IFT22: variants seen among roughly 807,000 people sequenced by gnomAD.
IFT22 encodes intraflagellar transport 22, also known as intraflagellar transport protein 22 homolog.
A neutral mutation model predicts 21.0 loss-of-function variants in IFT22; 13 were observed. The ratio of observed to expected loss-of-function variants is 0.62; its 90% CI spans 0.40 to 0.98. The LOEUF (loss-of-function observed/expected upper bound fraction) is 0.98, where lower values mean the gene tolerates loss of function less well. Among genes scored for constraint, IFT22 ranks in the 50% least tolerant of loss-of-function variants. IFT22 has a pLI of 0.00. For synonymous variants in IFT22, 67 were observed against 82.4 expected (o/e 0.81, Z 1.01); for missense variants, 227 against 228.9 (o/e 0.99, Z 0.06).
intron 3 of IFT22, among the ~76,000 whole-genome samples, chr7:101,316,957 G>A (rs1006230694): frequency 3.3e-5 from 5 of 151,790 alleles, no homozygotes; most frequent in African/African-American, 7.3e-5. Flanking sequence ...AAAAGTTGGG[G>A]GATGACTTTT....
At chr7:101,315,363 A>G in intron 4 of IFT22, 81 bp from the exon 5 acceptor site, 1 of 1,474,350 alleles carries the variant, frequency 6.8e-7, no homozygotes, top group Non-Finnish European at 9.3e-7. Flanking sequence ...CTTCTAGAAG[A>G]AATTTAACTT....
chr7:101,310,927 T>A lies in IFT22; in HGVS notation c.*4207A>T. On this transcript the variant is annotated 3_prime_UTR_variant, in exon 5 of 5. Transcript: ENST00000315322. ...AAACTTAAAATCTGAAGGCTTTTACTCAATTCAAATATTTAATGGGTTGTA... is the reference window on the plus strand; with the variant it reads ...AAACTTAAAATCTGAAGGCTTTTACACAATTCAAATATTTAATGGGTTGTA... 1 of 392,362 alleles carries A rather than the reference T, an allele frequency of 2.5e-6. No individual in the cohort carries two copies. Among genetic ancestry groups the A allele is most frequent in the Non-Finnish European group, 5.1e-6 (1 of 196,770 alleles). 24.3% of individuals were successfully genotyped at this position (392,362 alleles called of 1,614,324 possible). A position where few individuals can be genotyped will look rare whatever the true frequency, so the allele number is the denominator to read the frequency against.
At chr7:101,315,579 C>G in intron 4 of IFT22, 1 of 393,996 alleles carries the variant, frequency 2.5e-6, no homozygotes, top group Non-Finnish European at 4.6e-6. Context: ...TGTGTCACCT[C>G]TGGGATGTGT....
At chr7:101,318,409 A>C in intron 2 of IFT22, 196 bp from the exon 3 acceptor site, 1 of 432,338 alleles carries the variant, frequency 2.3e-6, no homozygotes, top group African/African-American at 2.0e-5. Context: ...GATCTCAGCT[A>C]CTGGGGAGGC....
At chr7:101,318,290 C>A (rs573395705) in intron 2 of IFT22, 77 bp from the exon 3 acceptor site, 2 of 1,090,600 alleles carry the variant, frequency 1.8e-6, no homozygotes, top group South Asian at 1.3e-5. Flanking sequence ...GAGGCCAAGG[C>A]GGGCAGATCA....
Position 101,318,278 on chromosome 7 carries a change from G to A in IFT22, c.117-65C>T, listed in dbSNP as rs539593692. The A allele has an allele frequency of 2.0e-5, 25 of 1,274,052 alleles. No individual in the cohort carries two copies. In the South Asian group the frequency reaches 2.7e-4, roughly 14 times the overall value. 78.9% of individuals were successfully genotyped at this position (1,274,052 alleles called of 1,614,324 possible). On this transcript the variant is annotated intron_variant, in intron 2 of 4. Coordinates refer to ENST00000315322, the MANE Select transcript of IFT22 (RefSeq NM_022777.4). ...CTCACGCCTGTAATCTCAGCAGTCT[G>A]GGAGGCCAAGGCGGGCAGATCACTT...
At position 101,316,458 on chromosome 7, in the gene IFT22, C is replaced by T; in HGVS notation, c.291G>A (p.Lys97=). The T allele has an allele frequency of 6.2e-7, 1 of 1,614,160 alleles. No homozygotes were observed. ...AGCAGGAATACCACATCTCCATTTC[C>T]TTCCGGTGGCTTGGGATGTCAGCAT... ...VFNADIPSHR[K]EMEMWYSCFV... The change falls in exon 4 of 5, where the codon AAG becomes AAA. Residue 97 remains lysine, a synonymous_variant. Transcript: ENST00000315322.
intron 1 of IFT22, among the ~76,000 whole-genome samples, chr7:101,319,349 G>C (rs964638952): frequency 6.6e-6 from 1 of 152,134 alleles, no homozygotes; most frequent in African/African-American, 2.4e-5. Context: ...AGCCTCCAGA[G>C]TAGTTGGGAT....
chr7:101,312,211 T>C lies in IFT22; in HGVS notation c.*2923A>G. Among the ~76,000 whole-genome samples the C allele has an allele frequency of 6.6e-6, 1 of 152,062 alleles. No individual in the cohort carries two copies. The highest frequency in any genetic ancestry group is 1.5e-5 in the Non-Finnish European group (1 of 68,008). On this transcript the variant is annotated 3_prime_UTR_variant, in exon 5 of 5. Coordinates refer to ENST00000315322, the MANE Select transcript of IFT22 (RefSeq NM_022777.4). Reference sequence around the variant, plus strand: ...TCAAGGACAGGAGTTCGAGATCAGCTGGGGCAACATGGCAAAACCCCATCT... The same window carrying C: ...TCAAGGACAGGAGTTCGAGATCAGCCGGGGCAACATGGCAAAACCCCATCT...
chr7:101,320,129 G>C (rs1022670217), intron 1 of IFT22, among the ~76,000 whole-genome samples: 17 of 151,598 alleles, frequency 1.1e-4, no homozygotes, highest in African/African-American at 4.1e-4. Context: ...GCGAATTTTT[G>C]TATTTTTAGT....
chr7:101,318,306 G>A (rs540525191), intron 2 of IFT22, 93 bp from the exon 3 acceptor site: 6 of 880,234 alleles, frequency 6.8e-6, no homozygotes, highest in South Asian at 6.8e-5. Flanking sequence ...GATCACTTGA[G>A]GTCAGGAGTT....
intron 1 of IFT22, among the ~76,000 whole-genome samples, chr7:101,319,791 T>G (rs1790277105): frequency 6.6e-6 from 1 of 151,496 alleles, no homozygotes; most frequent in African/African-American, 2.4e-5. Flanking sequence ...ACTACAGGTG[T>G]GCATCACCAT....
In IFT22 at chr7:101,312,420, A is replaced by T. The variant is rs6957570; in HGVS notation, c.*2714T>A. 0.24 allele frequency among the ~76,000 whole-genome samples: 36,129 copies of T among 151,724 alleles called. 4,960 individuals are homozygous for T. Among genetic ancestry groups the T allele is most frequent in the East Asian group, 0.39 (2,037 of 5,166 alleles). On this transcript the variant is annotated 3_prime_UTR_variant, in exon 5 of 5. Coordinates refer to ENST00000315322, the MANE Select transcript of IFT22 (RefSeq NM_022777.4). ...ACTCCAGCCGGGATGACAGAGTGACACCGTGTCTCAAAAAAACAAAAAACA... is the reference window on the plus strand; with the variant it reads ...ACTCCAGCCGGGATGACAGAGTGACTCCGTGTCTCAAAAAAACAAAAAACA...
At chr7:101,319,686 C>A (rs1790274294) in intron 1 of IFT22, among the ~76,000 whole-genome samples, 1 of 149,560 alleles carries the variant, frequency 6.7e-6, no homozygotes. Flanking sequence ...CTCGGTTGCC[C>A]AGGCTGGAGT....
At chr7:101,318,062 CT>C (rs1202050673) in intron 3 of IFT22, 61 bp downstream of exon 3, 1 of 1,471,246 alleles carries the variant, frequency 6.8e-7, no homozygotes, top group Non-Finnish European at 9.5e-7. Flanking sequence ...GCCACCGCCC[CT>C]GGCTTGGGCA....
In IFT22 at chr7:101,312,837, TTTTTC is replaced by T. The variant is rs1486013741; in HGVS notation, c.*2292_*2296del. Among the ~76,000 whole-genome samples, 3 of 150,830 alleles carry T rather than the reference TTTTTC, an allele frequency of 2.0e-5. No homozygotes were observed. Among genetic ancestry groups the T allele is most frequent in the African/African-American group, 7.3e-5 (3 of 40,976 alleles). On this transcript the variant is annotated 3_prime_UTR_variant, in exon 5 of 5. Transcript: ENST00000315322. ...GGTGTGAGCCACTCCACTCGGCACTTTTTTCTTTTTTTTGAGATGGAGTTTTGCTC... is the reference window on the plus strand; with the variant it reads ...GGTGTGAGCCACTCCACTCGGCACTTTTTTTTTTGAGATGGAGTTTTGCTC...
In IFT22 at chr7:101,314,866, G is replaced by A. The variant is rs1205122660; in HGVS notation, c.*268C>T. 1.2e-5 allele frequency: 5 copies of A among 422,850 alleles called. No homozygotes were observed. Among genetic ancestry groups the A allele is most frequent in the African/African-American group, 2.0e-5 (1 of 50,070 alleles). 26.2% of individuals were successfully genotyped at this position (422,850 alleles called of 1,614,324 possible). A position where few individuals can be genotyped will look rare whatever the true frequency, so the allele number is the denominator to read the frequency against. On this transcript the variant is annotated 3_prime_UTR_variant, in exon 5 of 5. Transcript: ENST00000315322. The stretch of plus-strand genomic sequence containing the variant: ...AACTGTTTAACTGGACATATGTGAG[G>A]TGGTAAATCCCTCCATTTTACAGGT...
Position 101,315,002 on chromosome 7 carries a change from T to C in IFT22, c.*132A>G. On this transcript the variant is annotated 3_prime_UTR_variant, in exon 5 of 5. Coordinates refer to ENST00000315322, the MANE Select transcript of IFT22 (RefSeq NM_022777.4). ...GTGAACGCCCTGTGTGACAGGTGCC[T>C]TCCTGCAGGTAGGAACACTTCCTCT... 1 of 972,504 alleles carries C rather than the reference T, an allele frequency of 1.0e-6. No individual in the cohort carries two copies. Among genetic ancestry groups the C allele is most frequent in the Non-Finnish European group, 1.5e-6 (1 of 665,782 alleles). 60.2% of individuals were successfully genotyped at this position (972,504 alleles called of 1,614,324 possible).
At chr7:101,320,557 C>A (rs34693362) in intron 1 of IFT22, among the ~76,000 whole-genome samples, 4 of 130,128 alleles carry the variant, frequency 3.1e-5, no homozygotes, top group African/African-American at 9.4e-5. Context: ...CCGCGCCCGG[C>A]CTTTTTTTTT....
Sources: allele counts gnomAD v4.1 joint callset (sites outside exome capture counted in the v4.1 genomes callset), GRCh38; gene constraint gnomAD v4.1.1; transcripts MANE v1.5; gene names NCBI Gene and HGNC (gene_info 2026-07-23, HGNC 2026-07-21).